ARHGAP39: variants seen among roughly 807,000 people sequenced by gnomAD.
ARHGAP39 encodes the protein Rho GTPase activating protein 39.
ARHGAP39 carries 44 observed loss-of-function variants against 106.9 expected under a neutral mutation model. The ratio of observed to expected loss-of-function variants is 0.41; its 90% CI spans 0.32 to 0.53. ARHGAP39 has a LOEUF of 0.53. Among genes scored for constraint, ARHGAP39 ranks in the 20% least tolerant of loss-of-function variants. The probability of loss-of-function intolerance (pLI) is 0.21; values close to 1 mark genes in which losing one functional copy is unlikely to be tolerated. For synonymous variants in ARHGAP39, 768 were observed against 693.2 expected, an observed-to-expected ratio of 1.11 and a Z score of -1.69; for missense variants, 1,496 against 1,577.3, an observed-to-expected ratio of 0.95 and a Z score of 0.87.
intron 1 of ARHGAP39, among the ~76,000 whole-genome samples, chr8:144,672,024 G>A (rs958649291): frequency 1.3e-5 from 2 of 152,234 alleles, no homozygotes; most frequent in African/African-American, 2.4e-5. Context: ...GTTCCTGGAC[G>A]CCGTCTGTGA....
intron 3 of ARHGAP39, among the ~76,000 whole-genome samples, chr8:144,572,785 A>AAAAC (rs1818630709): frequency 6.6e-6 from 1 of 152,192 alleles, no homozygotes. Context: ...TTACAAGAAA[A>AAAAC]AAACAACCCC....
intron 3 of ARHGAP39, among the ~76,000 whole-genome samples, chr8:144,564,539 T>C (rs528716295): frequency 1.1e-4 from 17 of 152,274 alleles, no homozygotes; most frequent in Admixed American, 9.2e-4. Flanking sequence ...ATGAAAGTAG[T>C]TGAGAAAGAC....
chr8:144,576,512 G>C, intron 3 of ARHGAP39, among the ~76,000 whole-genome samples: 1 of 152,160 alleles, frequency 6.6e-6, no homozygotes, highest in East Asian at 1.9e-4. Context: ...GCAGGGCTAA[G>C]GCCAGACCCA....
At chr8:144,654,068 T>C (rs1255607771) in intron 1 of ARHGAP39, among the ~76,000 whole-genome samples, 1 of 152,172 alleles carries the variant, frequency 6.6e-6, no homozygotes, top group East Asian at 1.9e-4. Context: ...CAAATGGAAT[T>C]ATCCAAACTA....
At chr8:144,600,675 C>A (rs568054053) in intron 2 of ARHGAP39, among the ~76,000 whole-genome samples, 75 of 145,716 alleles carry the variant, frequency 5.1e-4, no homozygotes, top group Admixed American at 1.1e-3. Context: ...CACTTGTGTA[C>A]CTGCGTGTGC....
At chr8:144,561,254 T>C (rs1249450759) in intron 3 of ARHGAP39, among the ~76,000 whole-genome samples, 2 of 134,418 alleles carry the variant, frequency 1.5e-5, no homozygotes, top group Non-Finnish European at 3.0e-5. Context: ...TCCAGTGGTG[T>C]CCATCAGACC....
chr8:144,534,119 G>A lies in ARHGAP39; in HGVS notation c.2688+10C>T, dbSNP rs1816853935. The A allele has an allele frequency of 4.3e-6, 7 of 1,611,886 alleles. No individual in the cohort carries two copies. Among genetic ancestry groups the A allele is most frequent in the Non-Finnish European group, 5.9e-6 (7 of 1,179,342 alleles). ...GCCTGCCCTCCCCGGCCCCCCAGGC[G>A]CACCCGTACCTTCTTGGCCCCGGTC... On this transcript the variant is annotated intron_variant, in intron 8 of 11. Coordinates refer to ENST00000377307, the MANE Select transcript of ARHGAP39 (RefSeq NM_025251.3).
chr8:144,533,508 C>T (rs1586871332), intron 8 of ARHGAP39, among the ~76,000 whole-genome samples, 183 bp from the exon 9 acceptor site: 2 of 152,204 alleles, frequency 1.3e-5, no homozygotes, highest in South Asian at 2.1e-4. Context: ...GCCCTCCTCG[C>T]CCCCCAAACC....
At chr8:144,601,333 T>TGC (rs1819924220) in intron 2 of ARHGAP39, among the ~76,000 whole-genome samples, 1 of 145,848 alleles carries the variant, frequency 6.9e-6, no homozygotes. Flanking sequence ...GAGGCGTGTG[T>TGC]GTGCTCGTGT....
At chr8:144,546,542 G>A (rs1817429981) in intron 5 of ARHGAP39, among the ~76,000 whole-genome samples, 1 of 152,216 alleles carries the variant, frequency 6.6e-6, no homozygotes, top group South Asian at 2.1e-4. Context: ...GAACAAGGAG[G>A]TGAGAACAAG....
intron 2 of ARHGAP39, among the ~76,000 whole-genome samples, chr8:144,584,771 T>C (rs540662996): frequency 2.0e-5 from 3 of 151,922 alleles, no homozygotes; most frequent in Non-Finnish European, 2.9e-5. Context: ...TCTAAATAAA[T>C]AAATAAATAG....
intron 3 of ARHGAP39, among the ~76,000 whole-genome samples, chr8:144,562,119 C>A (rs992244927): frequency 6.9e-6 from 1 of 145,218 alleles, no homozygotes; most frequent in Non-Finnish European, 1.5e-5. Context: ...ATCGGACTTA[C>A]TCCAGTGGTT....
Position 144,641,918 on chromosome 8 carries a change from C to T in ARHGAP39, c.-81-36223G>A, listed in dbSNP as rs964887021. 6.6e-6 allele frequency among the ~76,000 whole-genome samples: 1 copy of T among 152,260 alleles called. No individual in the cohort carries two copies. The highest frequency in any genetic ancestry group is 2.4e-5 in the African/African-American group (1 of 41,472). The stretch of plus-strand genomic sequence containing the variant: ...CACTACCTCATCCTTGGCCCCTCGG[C>T]ATACCCACCTGCAAATCCAAACCTG... On this transcript the variant is annotated intron_variant, in intron 1 of 11. Coordinates refer to ENST00000377307, the MANE Select transcript of ARHGAP39 (RefSeq NM_025251.3). The surrounding 1 kb of genome is among the most constrained non-coding windows in gnomAD (Gnocchi z 5.2).
chr8:144,566,138 T>C (rs1818387842), intron 3 of ARHGAP39, among the ~76,000 whole-genome samples: 2 of 151,842 alleles, frequency 1.3e-5, no homozygotes, highest in African/African-American at 4.8e-5. Context: ...TGACTGAAAA[T>C]TTCTCAAACG....
At chr8:144,570,800 A>G (rs1563678799) in intron 3 of ARHGAP39, among the ~76,000 whole-genome samples, 1 of 152,224 alleles carries the variant, frequency 6.6e-6, no homozygotes, top group Non-Finnish European at 1.5e-5. Context: ...TAAAGGAGAT[A>G]CCAGCACCGA....
chr8:144,652,153 T>C (rs998348494), intron 1 of ARHGAP39, among the ~76,000 whole-genome samples: 2 of 151,888 alleles, frequency 1.3e-5, no homozygotes, highest in African/African-American at 4.8e-5. Flanking sequence ...GAGAAAATAT[T>C]TGCAAGCTAT....
intron 2 of ARHGAP39, among the ~76,000 whole-genome samples, chr8:144,593,136 C>T (rs796826964): frequency 1.1e-4 from 16 of 152,290 alleles, no homozygotes; most frequent in African/African-American, 3.1e-4. Flanking sequence ...GCTGTCAAGG[C>T]GGAACAACCT....
Position 144,530,629 on chromosome 8 carries a change from C to T in ARHGAP39, c.3151-13G>A, listed in dbSNP as rs764415224. 3 of 862,680 alleles carry T rather than the reference C, an allele frequency of 3.5e-6. No homozygotes were observed. The highest frequency in any genetic ancestry group is 5.4e-5 in the South Asian group (2 of 36,708). 53.4% of individuals were successfully genotyped at this position (862,680 alleles called of 1,614,324 possible). A position where few individuals can be genotyped will look rare whatever the true frequency, so the allele number is the denominator to read the frequency against. On this transcript the variant is annotated splice_polypyrimidine_tract_variant and intron_variant, in intron 11 of 11. Transcript: ENST00000377307. ...GCTGCACGAAGACCTGGTGGAGGAG[C>T]GAGGGTGGGCGCGGAGGGGCGGGGG...
the ARHGAP39 span, among the ~76,000 whole-genome samples, chr8:144,700,140 C>G: frequency 1.3e-5 from 2 of 152,214 alleles, no homozygotes; most frequent in East Asian, 3.9e-4. This position sits in a 1 kb window ranked among gnomAD's most constrained non-coding sequence, Gnocchi z 5.6. Context: ...CAGACTCTCG[C>G]CGGTCCTCGA....
Sources: gnomAD v4.1 joint callset for allele counts (sites outside exome capture counted in the v4.1 genomes callset) on GRCh38, gnomAD v4.1.1 for gene constraint, Gnocchi (gnomAD v3.1) non-coding constraint, MANE v1.5 for transcripts, NCBI Gene and HGNC (gene_info 2026-07-23, HGNC 2026-07-21) for gene names.